Variants in SRSF12 observed in about 807,000 individuals in gnomAD.
The protein encoded by SRSF12 is serine and arginine rich splicing factor 12, also known as serine/arginine-rich splicing factor 12.
A neutral mutation model predicts 34.1 loss-of-function variants in SRSF12; 21 were observed. The observed-to-expected ratio is 0.62, with a 90% CI of 0.44 to 0.89. The LOEUF is 0.89. SRSF12 is among the 40% of genes least tolerant of loss of function. The probability of loss-of-function intolerance (pLI) is 0.00; values close to 1 mark genes in which losing one functional copy is unlikely to be tolerated. For missense variants in SRSF12, 278 were observed against 327.8 expected, an observed-to-expected ratio of 0.85 and a Z score of 1.17; for synonymous variants, 111 against 110.8, an observed-to-expected ratio of 1.00 and a Z score of -0.01.
chr6:89,105,682 CTT>C (rs1051609819), intron 2 of SRSF12, 152 bp from the exon 3 acceptor site: 5 of 511,728 alleles, frequency 9.8e-6, no homozygotes, highest in Admixed American at 3.8e-5. Context: ...AGAAAAAAAA[CTT>C]TCACTTTTTC....
At chr6:89,105,574 A>C (rs1472601913) in intron 2 of SRSF12, 44 bp from the exon 3 acceptor site, 1 of 1,369,348 alleles carries the variant, frequency 7.3e-7, no homozygotes, top group East Asian at 2.4e-5. Context: ...ATATCAAGTA[A>C]ACATATTTTA....
intron 1 of SRSF12, among the ~76,000 whole-genome samples, chr6:89,110,733 G>C (rs1328431662): frequency 6.6e-6 from 1 of 152,130 alleles, no homozygotes; most frequent in African/African-American, 2.4e-5. Flanking sequence ...CAAAGAAATT[G>C]GTAGGCTGGA....
At chr6:89,100,263 G>C (rs923734787) in intron 4 of SRSF12, among the ~76,000 whole-genome samples, 1 of 152,230 alleles carries the variant, frequency 6.6e-6, no homozygotes, top group Non-Finnish European at 1.5e-5. Flanking sequence ...AGTGCTGAGA[G>C]AGAGATTAGA....
intron 2 of SRSF12, 116 bp downstream of exon 2, chr6:89,107,038 G>T: frequency 1.8e-6 from 2 of 1,089,974 alleles, no homozygotes; most frequent in South Asian, 1.3e-5. Flanking sequence ...CTGAGATAAA[G>T]AAATAAACAC....
chr6:89,098,044 T>C lies in SRSF12; in HGVS notation c.*534A>G, dbSNP rs1358389742. ...AGGAGAGAATGTATCTTTTGAATGT[T>C]TGATCTCTATATATATTCTACTTTT... On this transcript the variant is annotated 3_prime_UTR_variant, in exon 5 of 5. Transcript: ENST00000452027. 1 of 152,382 alleles carries C rather than the reference T, an allele frequency of 6.6e-6. No homozygotes were observed. Among genetic ancestry groups the C allele is most frequent in the Admixed American group, 6.5e-5 (1 of 15,282 alleles). The allele number at this position is 152,382 out of a possible 1,614,324, so 9.4% of individuals were successfully genotyped here. A position where few individuals can be genotyped will look rare whatever the true frequency, so the allele number is the denominator to read the frequency against.
chr6:89,104,025 C>G (rs1248462343), intron 4 of SRSF12, among the ~76,000 whole-genome samples: 3 of 97,180 alleles, frequency 3.1e-5, no homozygotes, highest in South Asian at 7.1e-4. Flanking sequence ...TTTGGAGAGA[C>G]GGAGTCTCAC....
chr6:89,106,951 T>G (rs771583371), intron 2 of SRSF12: 2 of 617,434 alleles, frequency 3.2e-6, no homozygotes, highest in Non-Finnish European at 6.0e-6. Flanking sequence ...CCTGCTGGGT[T>G]TATGCTTGGA....
rs547689254 is a variant in SRSF12 at position 89,118,048 on chromosome 6, G to C, written c.-161C>G. 4.2e-4 allele frequency: 203 copies of C among 487,938 alleles called. 2 individuals are homozygous for C. The Middle Eastern group carries it at 8.7e-3, about 21-fold the overall frequency. 30.2% of individuals were successfully genotyped at this position (487,938 alleles called of 1,614,324 possible). A position where few individuals can be genotyped will look rare whatever the true frequency, so the allele number is the denominator to read the frequency against. ...GCGCAGCCGCAGAGGCCGGCGCAGA[G>C]GGGGCGCAGCGCGGCGCCAGCCTGG... On this transcript the variant is annotated 5_prime_UTR_variant, in exon 1 of 5. Transcript: ENST00000452027.
chr6:89,107,231 A>C lies in SRSF12; in HGVS notation c.93T>G (p.Gly31=). The C allele has an allele frequency of 6.2e-7, 1 of 1,614,126 alleles. No homozygotes were observed. The highest frequency in any genetic ancestry group is 8.5e-7 in the Non-Finnish European group (1 of 1,180,022). ...TRPEDLRREF[G]RYGPIVDVYI... is the part of the protein sequence containing the mutation. ...AAACGTCTACTATAGGGCCATATCG[A>C]CCAAACTCACGGCGCAAGTCCTCAG... The change falls in exon 2 of 5, where the codon GGT becomes GGG. Residue 31 remains glycine, a synonymous_variant. Coordinates refer to ENST00000452027, the MANE Select transcript of SRSF12 (RefSeq NM_080743.5).
Position 89,098,825 on chromosome 6 carries a change from G to A in SRSF12, c.539C>T (p.Ser180Leu). ...PRRNFGSRGRSRSKSLQKRSK... is the reference protein window; with the variant it reads ...PRRNFGSRGRLRSKSLQKRSK... Reference sequence around the variant, plus strand: ...CCTCTTTTGTAAGGACTTGGACCTTGACCGTCCTCTAGAGCCAAAATTCCT... The same window carrying A: ...CCTCTTTTGTAAGGACTTGGACCTTAACCGTCCTCTAGAGCCAAAATTCCT... The change falls in exon 5 of 5, where the codon TCA (serine) becomes TTA (leucine). Residue 180 changes from serine to leucine, a missense_variant. Physicochemically the swap from Ser to Leu is moderately radical, Grantham distance 145. Transcript: ENST00000452027. 6.2e-7 allele frequency: 1 copy of A among 1,613,900 alleles called. No homozygotes were observed. The highest frequency in any genetic ancestry group is 8.5e-7 in the Non-Finnish European group (1 of 1,179,888).
chr6:89,100,535 A>C (rs1437092972), intron 4 of SRSF12, among the ~76,000 whole-genome samples: 3 of 143,580 alleles, frequency 2.1e-5, no homozygotes, highest in African/African-American at 7.7e-5. Flanking sequence ...AAAAAAAAAA[A>C]ACAGGCAAGA....
At chr6:89,112,692 A>T (rs1015039223) in intron 1 of SRSF12, among the ~76,000 whole-genome samples, 20 of 152,178 alleles carry the variant, frequency 1.3e-4, no homozygotes, top group African/African-American at 3.1e-4. Flanking sequence ...GATTACAAGC[A>T]TAAGCCACTG....
intron 2 of SRSF12, 156 bp from the exon 3 acceptor site, chr6:89,105,686 C>T (rs1768749948): frequency 2.1e-6 from 1 of 482,272 alleles, no homozygotes; most frequent in South Asian, 4.3e-5. Context: ...AAAAAACTTT[C>T]ACTTTTTCTC....
chr6:89,108,361 T>C (rs928228558), intron 1 of SRSF12, among the ~76,000 whole-genome samples: 2 of 152,176 alleles, frequency 1.3e-5, no homozygotes, highest in African/African-American at 4.8e-5. Flanking sequence ...AGATTATGGG[T>C]GATACAGACA....
intron 1 of SRSF12, among the ~76,000 whole-genome samples, chr6:89,108,507 A>G (rs1409137142): frequency 1.3e-5 from 2 of 152,226 alleles, no homozygotes; most frequent in East Asian, 3.8e-4. Context: ...CATCTTAACC[A>G]CTACACCCTA....
At chr6:89,111,473 T>C (rs1016150679) in intron 1 of SRSF12, among the ~76,000 whole-genome samples, 4 of 152,202 alleles carry the variant, frequency 2.6e-5, no homozygotes, top group African/African-American at 7.2e-5. Flanking sequence ...TGTTAATATA[T>C]AGAAATAAAG....
intron 1 of SRSF12, among the ~76,000 whole-genome samples, chr6:89,117,503 C>T (rs1230043347): frequency 6.6e-6 from 1 of 152,210 alleles, no homozygotes; most frequent in Non-Finnish European, 1.5e-5. Context: ...CGGCGGGGAG[C>T]GACCTGAGCT....
Position 89,098,541 on chromosome 6 carries a change from TA to T in SRSF12, c.*36del, listed in dbSNP as rs780489738. On this transcript the variant is annotated 3_prime_UTR_variant, in exon 5 of 5. Coordinates refer to ENST00000452027, the MANE Select transcript of SRSF12 (RefSeq NM_080743.5). ...TTAACATAATGAGAGTTTAATAACT[TA>T]TATTAAAGACGGCGTGGTGCTCTTT... The T allele has an allele frequency of 2.0e-5, 31 of 1,549,290 alleles. No individual in the cohort carries two copies. In the Admixed American group the frequency reaches 6.2e-4, roughly 31 times the overall value.
At chr6:89,099,424 A>ATATATG (rs1562191869) in intron 4 of SRSF12, among the ~76,000 whole-genome samples, 1 of 139,168 alleles carries the variant, frequency 7.2e-6, no homozygotes, top group Non-Finnish European at 1.5e-5. Flanking sequence ...ACATATATAT[A>ATATATG]TGTGTGTATA....
Sources: gnomAD v4.1 joint callset for allele counts (sites outside exome capture counted in the v4.1 genomes callset) on GRCh38, gnomAD v4.1.1 for gene constraint, MANE v1.5 for transcripts, NCBI Gene and HGNC (gene_info 2026-07-23, HGNC 2026-07-21) for gene names.